Variants in RBFOX1 observed in about 807,000 individuals in gnomAD.
The protein encoded by RBFOX1 is RNA binding protein fox-1 homolog 1.
Under a neutral mutation model 57.7 loss-of-function variants are expected in RBFOX1, and 8 were observed. The observed-to-expected ratio is 0.14, with a 90% CI of 0.08 to 0.25. The LOEUF (loss-of-function observed/expected upper bound fraction) is 0.25, where lower values mean the gene tolerates loss of function less well. Ranked by LOEUF, RBFOX1 falls within the 10% of genes least tolerant of loss-of-function variation. The pLI, the probability that RBFOX1 is intolerant of heterozygous loss-of-function variation, is 1.00. For synonymous variants in RBFOX1, 326 were observed against 222.4 expected (o/e 1.47, Z -4.15); for missense variants, 611 against 548.5 (o/e 1.11, Z -1.14).
In RBFOX1 at chr16:6,041,780, T is replaced by G. The variant is rs75083878; in HGVS notation, c.-127+21788T>G. ...GCGATGATGCTAAACATCTTCCAGT[T>G]GCCTCTCCAAAGACATTCTTTGTCC... is the stretch of plus-strand genomic sequence containing the variant. On this transcript the variant is annotated intron_variant, in intron 1 of 15. Coordinates refer to ENST00000550418, the MANE Select transcript of RBFOX1 (RefSeq NM_018723.4). 8.2e-4 allele frequency among the ~76,000 whole-genome samples: 125 copies of G among 152,310 alleles called. No individual in the cohort carries two copies. The East Asian group carries it at 0.02, about 25-fold the overall frequency.
At chr16:7,385,552 A>G (rs1311248462) in intron 4 of RBFOX1, among the ~76,000 whole-genome samples, 6 of 152,190 alleles carry the variant, frequency 3.9e-5, no homozygotes, top group Non-Finnish European at 8.8e-5. Flanking sequence ...CAGAAGTTCT[A>G]GCAGAAATGT....
At chr16:7,216,699 A>G (rs568914529) in intron 4 of RBFOX1, among the ~76,000 whole-genome samples, 12 of 152,230 alleles carry the variant, frequency 7.9e-5, no homozygotes, top group African/African-American at 2.6e-4. Context: ...AACCGAGACA[A>G]TGAGTGTAGC....
At chr16:6,851,957 G>C (rs762318683) in intron 3 of RBFOX1, among the ~76,000 whole-genome samples, 4 of 150,672 alleles carry the variant, frequency 2.7e-5, no homozygotes, top group Non-Finnish European at 5.9e-5. Flanking sequence ...TTGAGATGGA[G>C]GTTCGTCGCC....
chr16:5,840,498 CTGT>C (rs1381547239), intron 3 of RBFOX1, among the ~76,000 whole-genome samples: 1 of 152,214 alleles, frequency 6.6e-6, no homozygotes, highest in Non-Finnish European at 1.5e-5. Context: ...TACACCTCTC[CTGT>C]GCCTTCAGAA....
intron 4 of RBFOX1, among the ~76,000 whole-genome samples, chr16:7,424,961 A>G (rs2098595774): frequency 6.6e-6 from 1 of 152,222 alleles, no homozygotes; most frequent in Admixed American, 6.5e-5. Flanking sequence ...TTTGAGCACC[A>G]AGAAGAATGT....
intron 3 of RBFOX1, among the ~76,000 whole-genome samples, chr16:6,942,565 AG>A (rs1318642290): frequency 2.6e-5 from 4 of 152,114 alleles, no homozygotes; most frequent in Non-Finnish European, 5.9e-5. Flanking sequence ...CAAGAAGACA[AG>A]AGTAGACTAA....
intron 4 of RBFOX1, among the ~76,000 whole-genome samples, chr16:7,182,179 G>T (rs2082850513): frequency 6.6e-6 from 1 of 152,094 alleles, no homozygotes. Flanking sequence ...ACCTTTTAGG[G>T]TCAGAGACTT....
chr16:6,795,066 A>G (rs1332676270), intron 3 of RBFOX1, among the ~76,000 whole-genome samples: 2 of 152,184 alleles, frequency 1.3e-5, no homozygotes, highest in African/African-American at 4.8e-5. Flanking sequence ...TTGATGTGAT[A>G]TATGTCACTT....
intron 3 of RBFOX1, among the ~76,000 whole-genome samples, chr16:6,731,186 C>A (rs1481414714): frequency 2.0e-5 from 3 of 152,054 alleles, no homozygotes; most frequent in Non-Finnish European, 4.4e-5. Flanking sequence ...TGCAAAAATA[C>A]AGGGAAGATA....
intron 2 of RBFOX1, among the ~76,000 whole-genome samples, chr16:6,649,175 G>T (rs561008183): frequency 8.5e-5 from 13 of 152,204 alleles, no homozygotes; most frequent in East Asian, 5.8e-4. Flanking sequence ...TATATTTTTT[G>T]TATTTGTTTC....
At chr16:6,105,171 A>T (rs558174990) in intron 1 of RBFOX1, among the ~76,000 whole-genome samples, 1 of 152,344 alleles carries the variant, frequency 6.6e-6, no homozygotes, top group African/African-American at 2.4e-5. Flanking sequence ...TTGATTTCTC[A>T]AAGCCCATGT....
At chr16:6,904,734 C>A (rs1042904195) in intron 3 of RBFOX1, among the ~76,000 whole-genome samples, 14 of 151,850 alleles carry the variant, frequency 9.2e-5, no homozygotes, top group South Asian at 2.1e-4. Flanking sequence ...CTCACAGGGA[C>A]CCTCGCCTTG....
intron 3 of RBFOX1, among the ~76,000 whole-genome samples, chr16:6,656,980 T>TTCCTCTCCTCTCCTCCCCTC (rs2098661119): frequency 4.2e-5 from 2 of 48,102 alleles, no homozygotes; most frequent in Admixed American, 3.0e-4. Flanking sequence ...CTCCTCCCCT[T>TTCCTCTCCTCTCCTCCCCTC]TCCTCTCCTC....
chr16:7,075,419 T>G (rs528210120), intron 4 of RBFOX1, among the ~76,000 whole-genome samples: 2 of 152,324 alleles, frequency 1.3e-5, no homozygotes, highest in South Asian at 2.1e-4. Context: ...CATACATGAT[T>G]AGGGGAAAGA....
chr16:5,665,159 C>T (rs2049797722), intron 3 of RBFOX1, among the ~76,000 whole-genome samples: 1 of 150,610 alleles, frequency 6.6e-6, no homozygotes, highest in Admixed American at 6.6e-5. Flanking sequence ...CTATATTGCC[C>T]AGGCTGGCCT....
At chr16:7,262,898 C>T (rs2094974273) in intron 4 of RBFOX1, among the ~76,000 whole-genome samples, 1 of 152,204 alleles carries the variant, frequency 6.6e-6, no homozygotes, top group Non-Finnish European at 1.5e-5. Context: ...ATTTGAAAGC[C>T]ACAGCCTGTG....
chr16:5,366,382 G>T, intron 1 of RBFOX1: 1 of 398,130 alleles, frequency 2.5e-6, no homozygotes, highest in South Asian at 2.1e-5. Flanking sequence ...AAGTACCAGT[G>T]AAGAAATATA....
intron 4 of RBFOX1, among the ~76,000 whole-genome samples, chr16:7,166,302 C>T (rs942640771): frequency 1.3e-5 from 2 of 152,072 alleles, no homozygotes; most frequent in African/African-American, 4.8e-5. Flanking sequence ...GCGTGAACCA[C>T]CGCACCCGGC....
chr16:6,208,735 T>C (rs1443792134), intron 1 of RBFOX1, among the ~76,000 whole-genome samples: 1 of 152,208 alleles, frequency 6.6e-6, no homozygotes, highest in African/African-American at 2.4e-5. Flanking sequence ...AAAATATGCA[T>C]TTCTGGTTCT....
Sources: gnomAD v4.1 joint callset for allele counts (sites outside exome capture counted in the v4.1 genomes callset) on GRCh38, gnomAD v4.1.1 for gene constraint, MANE v1.5 for transcripts, NCBI Gene and HGNC (gene_info 2026-07-23, HGNC 2026-07-21) for gene names.